The following SDF4 variants were observed in gnomAD, a reference collection of about 807,000 sequenced individuals.
SDF4 encodes stromal cell derived factor 4.
A neutral mutation model predicts 34.2 loss-of-function variants in SDF4; 22 were observed. That is an observed-to-expected ratio of 0.64 (90% CI 0.46 to 0.92). The LOEUF is 0.92. Ranked by LOEUF, SDF4 falls within the 40% of genes least tolerant of loss-of-function variation. The pLI is 0.00. For synonymous variants in SDF4, 236 were observed against 203.1 expected, an observed-to-expected ratio of 1.16 and a Z score of -1.38; for missense variants, 447 against 499.9, an observed-to-expected ratio of 0.89 and a Z score of 1.01.
intron 2 of SDF4, among the ~76,000 whole-genome samples, chr1:1,226,516 A>G (rs1328050831): frequency 2.0e-5 from 3 of 152,196 alleles, no homozygotes; most frequent in Non-Finnish European, 4.4e-5. Context: ...AGTCTGAGAC[A>G]CCGTTCCAGC....
chr1:1,219,343 AC>A, intron 4 of SDF4: 1 of 1,122,418 alleles, frequency 8.9e-7, no homozygotes, highest in Non-Finnish European at 1.1e-6. Context: ...CATGGCCCAG[AC>A]CACCCCAGGA....
intron 4 of SDF4, chr1:1,220,860 T>A: frequency 1.2e-6 from 1 of 865,880 alleles, no homozygotes; most frequent in Non-Finnish European, 1.7e-6. Context: ...GGATGAAGCT[T>A]AAAGACGCAG....
chr1:1,226,208 C>G (rs972397714), intron 2 of SDF4, among the ~76,000 whole-genome samples: 1 of 152,202 alleles, frequency 6.6e-6, no homozygotes, highest in African/African-American at 2.4e-5. Flanking sequence ...GAGCATCTCA[C>G]CGTGCCAGGA....
At chr1:1,225,609 G>A (rs1638279506) in intron 2 of SDF4, among the ~76,000 whole-genome samples, 1 of 152,160 alleles carries the variant, frequency 6.6e-6, no homozygotes, top group Non-Finnish European at 1.5e-5. Context: ...GGGCCACCCG[G>A]GTGGCCATGT....
Position 1,218,830 on chromosome 1 carries a change from G to T in SDF4, c.654C>A (p.Leu218=). 6.2e-7 allele frequency: 1 copy of T among 1,603,316 alleles called. No individual in the cohort carries two copies. Among genetic ancestry groups the T allele is most frequent in the Non-Finnish European group, 8.5e-7 (1 of 1,172,604 alleles). ...LLTEEEFLSF[L]HPEHSRGMLR... is the part of the protein sequence containing the mutation. ...GCATTCCCCGGCTGTGCTCGGGGTGGAGGAACGACAGGAACTCCTCCTCCG... is the reference window on the plus strand; with the variant it reads ...GCATTCCCCGGCTGTGCTCGGGGTGTAGGAACGACAGGAACTCCTCCTCCG... Residue 218 remains leucine (L), a synonymous_variant, in exon 5 of 7, where the codon CTC becomes CTA. Transcript: ENST00000360001. This position sits in a 1 kb window ranked among gnomAD's most constrained non-coding sequence, Gnocchi z 7.9.
At chr1:1,226,938 G>A (rs947822588) in intron 2 of SDF4, among the ~76,000 whole-genome samples, 15 of 152,156 alleles carry the variant, frequency 9.9e-5, no homozygotes, top group Non-Finnish European at 1.5e-4. Context: ...GGCCCCAGGG[G>A]CACCAGCAGC....
chr1:1,219,609 G>C, intron 4 of SDF4: 1 of 987,254 alleles, frequency 1.0e-6, no homozygotes, highest in Non-Finnish European at 1.2e-6. Flanking sequence ...GCCGGGACAC[G>C]GCACTGCCTC....
intron 4 of SDF4, chr1:1,220,251 T>G: frequency 9.7e-7 from 1 of 1,030,840 alleles, no homozygotes; most frequent in Non-Finnish European, 1.2e-6. Flanking sequence ...TCAGGGAGAG[T>G]CAACGACTGC....
chr1:1,228,291 C>G (rs932271708), intron 2 of SDF4, among the ~76,000 whole-genome samples, 177 bp downstream of exon 2: 1 of 152,240 alleles, frequency 6.6e-6, no homozygotes, highest in African/African-American at 2.4e-5. Context: ...GGGCTGCCAG[C>G]GCAGGCCTCC....
Position 1,228,515 on chromosome 1 carries a change from G to C in SDF4, c.258C>G (p.Asp86Glu). Residue 86 changes from aspartate (D) to glutamate (E), a missense_variant, in exon 2 of 7, where the codon GAC becomes GAG. Asp to Glu is a conservative substitution (Grantham distance 45). Transcript: ENST00000360001. Reference sequence around the variant, plus strand: ...TCCTCCGGCTCCGCCGCGGCTCCGCGTCCTCATCAAAGCCACCCAGGTCCT... The same window carrying C: ...TCCTCCGGCTCCGCCGCGGCTCCGCCTCCTCATCAAAGCCACCCAGGTCCT... ...LGKDLGGFDE[D>E]AEPRRSRRKL... 2 of 1,612,370 alleles carry C rather than the reference G, an allele frequency of 1.2e-6. No individual in the cohort carries two copies. Among genetic ancestry groups the C allele is most frequent in the Non-Finnish European group, 1.7e-6 (2 of 1,179,576 alleles).
In SDF4 at chr1:1,217,463, A is replaced by G. The variant is rs576781719; in HGVS notation, c.*49T>C. On this transcript the variant is annotated 3_prime_UTR_variant, in exon 7 of 7. Transcript: ENST00000360001. This position sits in a 1 kb window ranked among gnomAD's most constrained non-coding sequence, Gnocchi z 8.5. ...GCCACGGAGCCCGGAGTCACCCGCG[A>G]GGCCGCCCCGGTGGTGCGTGGGGGG... 2.7e-3 allele frequency: 3,806 copies of G among 1,387,334 alleles called. 68 individuals are homozygous for G. In the African/African-American group the frequency reaches 0.044, roughly 16 times the overall value. The allele number at this position is 1,387,334 out of a possible 1,614,324, so 85.9% of individuals were successfully genotyped here.
At chr1:1,223,449 G>A (rs1329001927) in intron 3 of SDF4, 92 bp from the exon 4 acceptor site, 4 of 953,510 alleles carry the variant, frequency 4.2e-6, no homozygotes, top group African/African-American at 1.6e-5. Context: ...TGCCCAGGCT[G>A]GAAGCGGCAG....
In SDF4 at chr1:1,218,240, G is replaced by C. The variant is rs539487018; in HGVS notation, c.891+218C>G. 1.3e-5 allele frequency among the ~76,000 whole-genome samples: 2 copies of C among 152,320 alleles called. No individual in the cohort carries two copies. The highest frequency in any genetic ancestry group is 2.9e-5 in the Non-Finnish European group (2 of 68,028). ...CCGCAAGGGGCTGAGGATGGAGCCC[G>C]GCCAGGCTCGCCTGTCTCTGATCCG... On this transcript the variant is annotated intron_variant, in intron 6 of 6. Coordinates refer to ENST00000360001, the MANE Select transcript of SDF4 (RefSeq NM_016176.6). The surrounding 1 kb of genome is among the most constrained non-coding windows in gnomAD (Gnocchi z 7.9).
intron 2 of SDF4, among the ~76,000 whole-genome samples, chr1:1,226,130 C>A (rs945283898): frequency 5.3e-5 from 8 of 152,234 alleles, no homozygotes; most frequent in Non-Finnish European, 8.8e-5. Context: ...GCTCCAGCCA[C>A]GGGAGACAGG....
At chr1:1,230,660 T>C (rs937397110) in intron 1 of SDF4, among the ~76,000 whole-genome samples, 1 of 152,132 alleles carries the variant, frequency 6.6e-6, no homozygotes, top group Non-Finnish European at 1.5e-5. Flanking sequence ...GGTTTTGCCA[T>C]GTTGGCCAGG....
chr1:1,222,340 G>T (rs1055486665), intron 4 of SDF4, among the ~76,000 whole-genome samples: 1 of 152,216 alleles, frequency 6.6e-6, no homozygotes, highest in Non-Finnish European at 1.5e-5. Flanking sequence ...AGGGTGGCCC[G>T]GCTCTCCCCT....
chr1:1,230,958 G>A (rs1287062179), intron 1 of SDF4, among the ~76,000 whole-genome samples: 2 of 152,222 alleles, frequency 1.3e-5, no homozygotes, highest in East Asian at 1.9e-4. Context: ...AGAAAATAAA[G>A]CTAGTTCTTG....
rs1650081955 is a variant in SDF4, at chr1:1,223,258, T to C, written c.542A>G (p.Lys181Arg). 2 of 1,613,620 alleles carry C rather than the reference T, an allele frequency of 1.2e-6. No homozygotes were observed. Among genetic ancestry groups the C allele is most frequent in the African/African-American group, 1.3e-5 (1 of 74,948 alleles). Residue 181 changes from lysine (K) to arginine (R), a missense_variant, in exon 4 of 7, where the codon AAA (lysine) becomes AGA (arginine). Lys to Arg is a conservative substitution (Grantham distance 26, BLOSUM62 2). Coordinates refer to ENST00000360001, the MANE Select transcript of SDF4 (RefSeq NM_016176.6). ...TGAGCACTCACTTTCCTCATCCACT[T>C]TGAGTTCCTCGTTGAGCCTGATGGC... ...ADAIRLNEEL[K>R]VDEETQEVLE...
At chr1:1,224,955 G>A (rs1638248059) in intron 2 of SDF4, among the ~76,000 whole-genome samples, 1 of 152,192 alleles carries the variant, frequency 6.6e-6, no homozygotes, top group Admixed American at 6.5e-5. Flanking sequence ...TTTAAGTTGT[G>A]AGATTTAGGA....
Sources: allele counts gnomAD v4.1 joint callset (sites outside exome capture counted in the v4.1 genomes callset), GRCh38; gene constraint gnomAD v4.1.1; non-coding constraint Gnocchi (gnomAD v3.1); transcripts MANE v1.5; gene names NCBI Gene and HGNC (gene_info 2026-07-23, HGNC 2026-07-21).